The following PPP1R17 variants were observed in gnomAD, a reference collection of about 807,000 sequenced individuals.
The protein encoded by PPP1R17 is G-substrate.
Under a neutral mutation model 15.9 loss-of-function variants are expected in PPP1R17, and 12 were observed. The ratio of observed to expected loss-of-function variants is 0.75; its 90% confidence interval spans 0.48 to 1.22. The LOEUF is 1.22. PPP1R17 is among the 50% of genes most tolerant of loss of function. The pLI, the probability that PPP1R17 is intolerant of heterozygous loss-of-function variation, is 0.00. For synonymous variants in PPP1R17, 63 were observed against 64.5 expected (o/e 0.98, Z 0.11); for missense variants, 211 against 187.3 (o/e 1.13, Z -0.74).
Position 31,707,838 on chromosome 7 carries a change from C to G in PPP1R17, c.*555C>G, listed in dbSNP as rs1183908656. ...TCCTAAGACCCTTGTCCCAGATACT[C>G]TAAATGTGAATGTATGAGCTGGGGG... On this transcript the variant is annotated 3_prime_UTR_variant, in exon 5 of 5. Coordinates refer to ENST00000342032, the MANE Select transcript of PPP1R17 (RefSeq NM_006658.5). The G allele has an allele frequency of 6.6e-6, 1 of 152,508 alleles. No homozygotes were observed. The highest frequency in any genetic ancestry group is 1.5e-5 in the Non-Finnish European group (1 of 68,248). 9.4% of individuals were successfully genotyped at this position (152,508 alleles called of 1,614,324 possible). A position where few individuals can be genotyped will look rare whatever the true frequency, so the allele number is the denominator to read the frequency against.
At chr7:31,700,944 T>C (rs999506548) in intron 4 of PPP1R17, among the ~76,000 whole-genome samples, 2 of 152,186 alleles carry the variant, frequency 1.3e-5, no homozygotes, top group African/African-American at 2.4e-5. Context: ...TCATTAACAA[T>C]GTACCTCATC....
intron 2 of PPP1R17, among the ~76,000 whole-genome samples, chr7:31,694,131 A>T (rs1468616026): frequency 6.6e-6 from 1 of 152,238 alleles, no homozygotes; most frequent in Non-Finnish European, 1.5e-5. Context: ...AGACATATGC[A>T]GAAATAATAA....
chr7:31,692,572 G>A (rs1190328652), intron 2 of PPP1R17, 49 bp downstream of exon 2: 9 of 1,524,072 alleles, frequency 5.9e-6, no homozygotes, highest in Non-Finnish European at 8.2e-6. Context: ...TCAGAGAAGA[G>A]GCGTCTCAGC....
At chr7:31,705,775 C>A (rs1053513215) in intron 4 of PPP1R17, among the ~76,000 whole-genome samples, 1 of 151,802 alleles carries the variant, frequency 6.6e-6, no homozygotes, top group Non-Finnish European at 1.5e-5. Flanking sequence ...GGAGGCAGTG[C>A]GAGGCAGTGG....
chr7:31,693,046 C>G (rs944996583), intron 2 of PPP1R17, among the ~76,000 whole-genome samples: 6 of 152,262 alleles, frequency 3.9e-5, no homozygotes, highest in African/African-American at 1.4e-4. Flanking sequence ...TGCCGCTACC[C>G]ATTTCTAAAA....
chr7:31,689,885 C>T lies in PPP1R17; in HGVS notation c.-36-2521C>T, dbSNP rs559829436. Among the ~76,000 whole-genome samples the T allele has an allele frequency of 5.9e-5, 9 of 152,336 alleles. No individual in the cohort carries two copies. The South Asian group carries it at 1.7e-3, about 28-fold the overall frequency. ...AAAATCCCAGATCTGGAAATTGTCT[C>T]TCAGCCCCTTAGCAAACAGTCTTGC... On this transcript the variant is annotated intron_variant, in intron 1 of 4. Transcript: ENST00000342032.
intron 1 of PPP1R17, among the ~76,000 whole-genome samples, chr7:31,687,604 G>A (rs1207945270): frequency 1.3e-5 from 2 of 152,144 alleles, no homozygotes; most frequent in East Asian, 3.9e-4. Flanking sequence ...TCCAAGGCTG[G>A]GGAAAGTACA....
intron 2 of PPP1R17, among the ~76,000 whole-genome samples, chr7:31,694,387 A>AACACACACACACACAAACAC (rs1554307560): frequency 3.5e-5 from 5 of 141,678 alleles, no homozygotes; most frequent in African/African-American, 1.0e-4. Context: ...CTCTCTCTCA[A>AACACACACACACACAAACAC]ACACACACAC....
intron 1 of PPP1R17, among the ~76,000 whole-genome samples, chr7:31,691,797 T>TAAA (rs377169335): frequency 0.01 from 886 of 86,306 alleles, 5 homozygotes; most frequent in Non-Finnish European, 0.015. Context: ...ATGTAATGAT[T>TAAA]AAAAAAAAAA....
intron 4 of PPP1R17, among the ~76,000 whole-genome samples, chr7:31,700,605 G>A (rs1792804255): frequency 6.6e-6 from 1 of 152,176 alleles, no homozygotes; most frequent in Admixed American, 6.5e-5. Context: ...AGATGAAACA[G>A]CCTTCTATTG....
intron 2 of PPP1R17, among the ~76,000 whole-genome samples, chr7:31,693,389 T>C (rs1792439731): frequency 6.6e-6 from 1 of 152,184 alleles, no homozygotes; most frequent in Non-Finnish European, 1.5e-5. Context: ...GGGGAAAGAT[T>C]AACTGTGCTA....
chr7:31,704,328 AG>A (rs773737208), intron 4 of PPP1R17, among the ~76,000 whole-genome samples: 3 of 152,186 alleles, frequency 2.0e-5, no homozygotes, highest in Non-Finnish European at 4.4e-5. Context: ...GAACTATTTT[AG>A]ATGGGGCTCT....
chr7:31,689,192 G>C (rs142725064), intron 1 of PPP1R17, among the ~76,000 whole-genome samples: 22 of 152,244 alleles, frequency 1.4e-4, no homozygotes, highest in African/African-American at 5.1e-4. Context: ...GTCCCTGTGT[G>C]AGTGTTAGAA....
intron 4 of PPP1R17, among the ~76,000 whole-genome samples, chr7:31,697,628 C>T (rs542678086): frequency 1.4e-5 from 2 of 147,068 alleles, no homozygotes; most frequent in African/African-American, 5.5e-5. Context: ...CTGTGAGATA[C>T]AGTCCTTGTC....
intron 4 of PPP1R17, among the ~76,000 whole-genome samples, chr7:31,699,342 A>G (rs572735926): frequency 6.6e-6 from 1 of 152,202 alleles, no homozygotes; most frequent in Non-Finnish European, 1.5e-5. Context: ...GTTTTCTAAC[A>G]GAGAGGGGAG....
At chr7:31,691,797 TAA>T (rs377169335) in intron 1 of PPP1R17, among the ~76,000 whole-genome samples, 11,697 of 86,376 alleles carry the variant, frequency 0.14, 663 homozygotes, top group East Asian at 0.39. Context: ...ATGTAATGAT[TAA>T]AAAAAAAAAA....
intron 2 of PPP1R17, 109 bp from the exon 3 acceptor site, chr7:31,695,360 G>C: frequency 1.0e-6 from 1 of 981,362 alleles, no homozygotes; most frequent in Non-Finnish European, 1.5e-6. Context: ...TCCTTTTCAG[G>C]CCAAATCACC....
chr7:31,695,639 C>T lies in PPP1R17; in HGVS notation c.235+18C>T. ...CATACCAGGTAATGGACAAAGTCAT[C>T]TGCACAGCTGTAAAGGAGAGCCACT... On this transcript the variant is annotated intron_variant, in intron 3 of 4. Transcript: ENST00000342032. The T allele has an allele frequency of 6.2e-7, 1 of 1,604,704 alleles. No individual in the cohort carries two copies. The highest frequency in any genetic ancestry group is 1.7e-5 in the Admixed American group (1 of 57,822).
chr7:31,687,687 T>C (rs1384340187), intron 1 of PPP1R17, among the ~76,000 whole-genome samples: 1 of 152,214 alleles, frequency 6.6e-6, no homozygotes, highest in African/African-American at 2.4e-5. Context: ...ATACTGCCAA[T>C]TTAGGTTTTC....
Sources: allele counts gnomAD v4.1 joint callset (sites outside exome capture counted in the v4.1 genomes callset), GRCh38; gene constraint gnomAD v4.1.1; transcripts MANE v1.5; gene names NCBI Gene and HGNC (gene_info 2026-07-23, HGNC 2026-07-21).